The following CDH4 variants were observed in gnomAD, a reference collection of about 807,000 sequenced individuals.
CDH4 encodes cadherin 4.
A neutral mutation model predicts 86.0 loss-of-function variants in CDH4; 33 were observed. The ratio of observed to expected loss-of-function variants is 0.38; its 90% CI spans 0.29 to 0.51. CDH4 has a LOEUF of 0.51. CDH4 is among the 20% of genes least tolerant of loss of function. The pLI, the probability that CDH4 is intolerant of heterozygous loss-of-function variation, is 0.86. For synonymous variants in CDH4, 555 were observed against 549.4 expected (o/e 1.01, Z -0.14); for missense variants, 1,114 against 1,307.4 (o/e 0.85, Z 2.28).
chr20:61,667,665 C>T (rs2087342084), intron 2 of CDH4, among the ~76,000 whole-genome samples: 1 of 150,680 alleles, frequency 6.6e-6, no homozygotes, highest in Non-Finnish European at 1.5e-5. Context: ...CACACACCTG[C>T]ACACGTGCAT....
At chr20:61,915,010 C>CT (rs1490867621) in intron 9 of CDH4, among the ~76,000 whole-genome samples, 1 of 152,200 alleles carries the variant, frequency 6.6e-6, no homozygotes, top group African/African-American at 2.4e-5. Flanking sequence ...ATGTGATCAG[C>CT]TACAGTGACG....
rs368168643 is a variant in CDH4, at chr20:61,810,688, G to GA, written c.577-33974dup. ...CAGGGCTATAAAACATTTAATTTTGGAAAAAATCAGTACTCTGCCGCTAGA... is the reference window on the plus strand; with the variant it reads ...CAGGGCTATAAAACATTTAATTTTGGAAAAAAATCAGTACTCTGCCGCTAGA... On this transcript the variant is annotated intron_variant, in intron 4 of 15. Transcript: ENST00000614565. The surrounding 1 kb of genome is among the most constrained non-coding windows in gnomAD (Gnocchi z 4.3). Among the ~76,000 whole-genome samples the GA allele has an allele frequency of 5.3e-5, 8 of 152,252 alleles. No individual in the cohort carries two copies. The highest frequency in any genetic ancestry group is 1.9e-4 in the African/African-American group (8 of 41,556).
intron 2 of CDH4, among the ~76,000 whole-genome samples, chr20:61,261,070 C>G (rs4991979): frequency 0.14 from 20,633 of 152,206 alleles, 1,474 homozygotes; most frequent in African/African-American, 0.17. Context: ...AGCTGCTTCT[C>G]ACAGCTCTGC....
At chr20:61,311,567 G>A (rs1568792540) in intron 2 of CDH4, among the ~76,000 whole-genome samples, 1 of 152,208 alleles carries the variant, frequency 6.6e-6, no homozygotes, top group Non-Finnish European at 1.5e-5. Context: ...TAGTAACCAA[G>A]GGAAAGTCTA....
At chr20:61,334,129 T>G (rs2084603528) in intron 2 of CDH4, among the ~76,000 whole-genome samples, 2 of 152,300 alleles carry the variant, frequency 1.3e-5, no homozygotes, top group Admixed American at 6.5e-5. Flanking sequence ...AGTAAGCCTC[T>G]GGGCCACCCC....
At chr20:61,744,630 C>G (rs924773064) in intron 3 of CDH4, among the ~76,000 whole-genome samples, 1 of 152,006 alleles carries the variant, frequency 6.6e-6, no homozygotes, top group African/African-American at 2.4e-5. Flanking sequence ...AGACATAAAA[C>G]ATCTGCTGTT....
chr20:61,860,487 C>T (rs948020820), intron 6 of CDH4, among the ~76,000 whole-genome samples: 13 of 152,306 alleles, frequency 8.5e-5, no homozygotes, highest in Non-Finnish European at 1.6e-4. Flanking sequence ...GGTTCCCAGA[C>T]GCTGGCCTGC....
chr20:61,384,502 T>G (rs1328339336), intron 2 of CDH4, among the ~76,000 whole-genome samples: 1 of 152,188 alleles, frequency 6.6e-6, no homozygotes, highest in Non-Finnish European at 1.5e-5. Context: ...GACCTGGATG[T>G]GTGGTTTGTC....
At chr20:61,365,843 C>G (rs2084808527) in intron 2 of CDH4, among the ~76,000 whole-genome samples, 1 of 152,130 alleles carries the variant, frequency 6.6e-6, no homozygotes. Context: ...AGATAGTGTC[C>G]CCACCTTGCT....
intron 2 of CDH4, among the ~76,000 whole-genome samples, chr20:61,722,990 G>A (rs2088060118): frequency 6.6e-6 from 1 of 152,144 alleles, no homozygotes; most frequent in South Asian, 2.1e-4. Flanking sequence ...AGACATCCTG[G>A]GTCCTGCTTG....
intron 2 of CDH4, among the ~76,000 whole-genome samples, chr20:61,305,088 A>G (rs1256279552): frequency 1.1e-4 from 17 of 150,244 alleles, no homozygotes; most frequent in Non-Finnish European, 2.2e-4. Context: ...TGTGTTGTGT[A>G]TGCACTGTGT....
intron 2 of CDH4, among the ~76,000 whole-genome samples, chr20:61,398,035 C>T (rs78633814): frequency 5.1e-4 from 77 of 152,298 alleles, no homozygotes; most frequent in Non-Finnish European, 7.5e-4. Context: ...GCTTCACCTG[C>T]GTGTCCTGAA....
rs1297860774 is a variant in CDH4 at position 61,517,331 on chromosome 20, G to A, written c.170-226232G>A. On this transcript the variant is annotated intron_variant, in intron 2 of 15. Transcript: ENST00000614565. This position sits in a 1 kb window ranked among gnomAD's most constrained non-coding sequence, Gnocchi z 6.6. ...CCTCCTGTGGGGCTGTGTAGCTGGG[G>A]CCACAGGTGCACACCACCTTGTGCA... Among the ~76,000 whole-genome samples the A allele has an allele frequency of 6.6e-6, 1 of 152,116 alleles. No individual in the cohort carries two copies. Among genetic ancestry groups the A allele is most frequent in the Non-Finnish European group, 1.5e-5 (1 of 68,008 alleles).
intron 6 of CDH4, among the ~76,000 whole-genome samples, chr20:61,864,297 A>G (rs927456527): frequency 3.3e-5 from 5 of 152,184 alleles, no homozygotes; most frequent in African/African-American, 1.2e-4. Context: ...TGTTGCTTCA[A>G]GCTCCCCATC....
chr20:61,279,501 G>A (rs540167049), intron 2 of CDH4, among the ~76,000 whole-genome samples: 5 of 152,134 alleles, frequency 3.3e-5, no homozygotes, highest in East Asian at 3.9e-4. Context: ...GGGTGGGGGC[G>A]GGGCCTTCCA....
At chr20:61,383,526 AATAT>A (rs369966583) in intron 2 of CDH4, among the ~76,000 whole-genome samples, 1 of 69,200 alleles carries the variant, frequency 1.4e-5, no homozygotes, top group Non-Finnish European at 2.6e-5. Flanking sequence ...AATATGTATG[AATAT>A]ATATGAATAT....
intron 4 of CDH4, among the ~76,000 whole-genome samples, chr20:61,816,840 C>G (rs1749463385): frequency 6.6e-6 from 1 of 152,206 alleles, no homozygotes; most frequent in South Asian, 2.1e-4. Context: ...CCTGAGCTCG[C>G]CCGCATCCCC....
rs192280328 is a variant in CDH4, at chr20:61,416,065, G to A, written c.169+161128G>A. Among the ~76,000 whole-genome samples the A allele has an allele frequency of 2.8e-3, 394 of 140,090 alleles. 3 individuals carry two copies. The highest frequency in any genetic ancestry group is 4.1e-3 in the Non-Finnish European group (271 of 66,286). 91.9% of individuals were successfully genotyped at this position (140,090 alleles called of 152,430 possible). On this transcript the variant is annotated intron_variant, in intron 2 of 15. Coordinates refer to ENST00000614565, the MANE Select transcript of CDH4 (RefSeq NM_001794.5). ...CTTGCTCTGTCACCCAAGCTGGCAC[G>A]ATCTCAGCTCACTGCAACCTCTGCC...
At chr20:61,919,217 TATTC>T (rs1161243207) in intron 9 of CDH4, among the ~76,000 whole-genome samples, 3 of 152,220 alleles carry the variant, frequency 2.0e-5, no homozygotes, top group African/African-American at 7.2e-5. Flanking sequence ...TGAAATATCT[TATTC>T]AGTAGCAGTG....
Sources: gnomAD v4.1 joint callset for allele counts (sites outside exome capture counted in the v4.1 genomes callset) on GRCh38, gnomAD v4.1.1 for gene constraint, Gnocchi (gnomAD v3.1) non-coding constraint, MANE v1.5 for transcripts, NCBI Gene and HGNC (gene_info 2026-07-23, HGNC 2026-07-21) for gene names.